Variants in EXOSC7 observed in about 807,000 individuals in gnomAD.
The protein encoded by EXOSC7 is exosome component 7, also known as exosome complex component RRP42.
Under a neutral mutation model 34.3 loss-of-function variants are expected in EXOSC7, and 25 were observed. That is an observed-to-expected ratio of 0.73 (90% CI 0.53 to 1.02). EXOSC7 has a LOEUF of 1.02. EXOSC7 is among the 50% of genes least tolerant of loss of function. The pLI is 0.00. For missense variants in EXOSC7, 370 were observed against 368.5 expected (o/e 1.00, Z -0.03); for synonymous variants, 130 against 143.0 (o/e 0.91, Z 0.65).
In EXOSC7 at chr3:45,011,309, C is replaced by A. The variant is rs140279197; in HGVS notation, c.846C>A (p.Pro282=). ...SVVHKEESLG[P]KRQKVGFLG Reference sequence around the variant, plus strand: ...TGCACAAGGAAGAAAGCCTGGGGCCCAAGAGACAGAAAGTTGGATTCCTGG... The same window carrying A: ...TGCACAAGGAAGAAAGCCTGGGGCCAAAGAGACAGAAAGTTGGATTCCTGG... The change falls in exon 8 of 8, where the codon CCC becomes CCA. Residue 282 remains proline, a synonymous_variant. Coordinates refer to ENST00000265564, the MANE Select transcript of EXOSC7 (RefSeq NM_015004.4). The A allele has an allele frequency of 6.2e-7, 1 of 1,612,704 alleles. No individual in the cohort carries two copies. Among genetic ancestry groups the A allele is most frequent in the African/African-American group, 1.3e-5 (1 of 74,768 alleles).
intron 4 of EXOSC7, among the ~76,000 whole-genome samples, chr3:44,999,688 T>C (rs1706821892): frequency 6.6e-6 from 1 of 151,326 alleles, no homozygotes; most frequent in Non-Finnish European, 1.5e-5. Flanking sequence ...GAATCCATCT[T>C]TAAAAAAAAA....
intron 6 of EXOSC7, among the ~76,000 whole-genome samples, chr3:45,007,119 T>A (rs560605010): frequency 6.6e-6 from 1 of 152,288 alleles, no homozygotes; most frequent in African/African-American, 2.4e-5. Flanking sequence ...ATTTCTCCCT[T>A]GTGCCCCTCT....
intron 1 of EXOSC7, among the ~76,000 whole-genome samples, chr3:44,980,264 C>T (rs1417726306): frequency 2.6e-5 from 4 of 152,084 alleles, no homozygotes; most frequent in Admixed American, 2.6e-4. Flanking sequence ...AACAGATCCC[C>T]TCTCCCAGGG....
downstream of EXOSC7, chr3:45,012,309 A>G (rs564026955): frequency 6.6e-6 from 1 of 152,344 alleles, no homozygotes; most frequent in Admixed American, 6.5e-5. Flanking sequence ...TTAGGAATTT[A>G]TCACCAAATG....
intron 1 of EXOSC7, among the ~76,000 whole-genome samples, chr3:44,986,867 T>C (rs909124310): frequency 1.4e-4 from 21 of 152,206 alleles, no homozygotes; most frequent in Non-Finnish European, 2.5e-4. Flanking sequence ...CAGTCACATA[T>C]GCAGTTAGCC....
chr3:44,989,449 C>T (rs1706510888), intron 2 of EXOSC7, 101 bp from the exon 3 acceptor site: 2 of 1,015,026 alleles, frequency 2.0e-6, no homozygotes, highest in Non-Finnish European at 3.0e-6. Context: ...AGCACTGCTC[C>T]TAAAAGAGTC....
chr3:44,999,252 G>T (rs1434647094), intron 4 of EXOSC7, among the ~76,000 whole-genome samples: 3 of 152,190 alleles, frequency 2.0e-5, no homozygotes, highest in Non-Finnish European at 4.4e-5. Context: ...TACATGGTGC[G>T]CAGGAATATC....
At chr3:45,002,269 G>T (rs1576021604) in intron 5 of EXOSC7, 1 of 152,178 alleles carries the variant, frequency 6.6e-6, no homozygotes, top group Admixed American at 6.6e-5. Flanking sequence ...GGGATAGGGT[G>T]TTCATCCTAT....
At chr3:44,999,543 G>A (rs764758430) in intron 4 of EXOSC7, among the ~76,000 whole-genome samples, 1 of 152,110 alleles carries the variant, frequency 6.6e-6, no homozygotes, top group Non-Finnish European at 1.5e-5. Flanking sequence ...ACAAAAATTA[G>A]CTGGGCATGG....
intron 1 of EXOSC7, among the ~76,000 whole-genome samples, chr3:44,979,271 C>A (rs1327207427): frequency 6.6e-6 from 1 of 152,186 alleles, no homozygotes; most frequent in Non-Finnish European, 1.5e-5. Context: ...TATAGAGTGC[C>A]GGCAGTGCAC....
intron 5 of EXOSC7, chr3:45,001,879 G>C: frequency 2.6e-6 from 1 of 383,194 alleles, no homozygotes; most frequent in Non-Finnish European, 4.7e-6. Flanking sequence ...AAACTACAGA[G>C]AAGCCAAGAA....
intron 1 of EXOSC7, among the ~76,000 whole-genome samples, chr3:44,978,205 T>C (rs1450487458): frequency 2.0e-5 from 3 of 152,312 alleles, no homozygotes; most frequent in African/African-American, 7.2e-5. Flanking sequence ...ACGCCTGTAA[T>C]CCCAGCACTT....
At chr3:44,983,129 G>A (rs912237300) in intron 1 of EXOSC7, among the ~76,000 whole-genome samples, 11 of 152,214 alleles carry the variant, frequency 7.2e-5, no homozygotes, top group Non-Finnish European at 1.6e-4. Context: ...CAACTTGTCA[G>A]TTTCTATTAA....
intron 2 of EXOSC7, 40 bp downstream of exon 2, chr3:44,989,281 T>A (rs369428494): frequency 1.4e-6 from 2 of 1,435,394 alleles, no homozygotes; most frequent in Non-Finnish European, 2.0e-6. Flanking sequence ...GGTGGAGAAA[T>A]GAGTAGGCCC....
intron 6 of EXOSC7, among the ~76,000 whole-genome samples, chr3:45,007,197 G>GT (rs2125973815): frequency 6.6e-6 from 1 of 152,266 alleles, no homozygotes; most frequent in Admixed American, 6.5e-5. Context: ...ACCTTGCCCT[G>GT]TTTTTCCATA....
chr3:44,980,889 T>C (rs1349180935), intron 1 of EXOSC7, among the ~76,000 whole-genome samples: 1 of 152,228 alleles, frequency 6.6e-6, no homozygotes, highest in Non-Finnish European at 1.5e-5. Flanking sequence ...TCATAAACGA[T>C]TTACTCTGCC....
In EXOSC7 at chr3:45,009,555, C is replaced by CT. The variant is rs769220705; in HGVS notation, c.772-1669dup. On this transcript the variant is annotated intron_variant, in intron 7 of 7. Transcript: ENST00000265564. ...TTATGGGAAAATCTTTCCAAAGGCC[C>CT]TTTTTTTTTTTGAGATGGAGTCTCA... 4.0e-3 allele frequency among the ~76,000 whole-genome samples: 584 copies of CT among 145,700 alleles called. 2 individuals are homozygous for CT. The highest frequency in any genetic ancestry group is 6.3e-3 in the Non-Finnish European group (415 of 65,810).
At chr3:45,006,338 A>G (rs1227890825) in intron 6 of EXOSC7, among the ~76,000 whole-genome samples, 1 of 150,476 alleles carries the variant, frequency 6.6e-6, no homozygotes, top group East Asian at 2.0e-4. Flanking sequence ...TCAGCCTCCC[A>G]AAGTGCCGGG....
At chr3:44,983,759 T>C (rs1200389436) in intron 1 of EXOSC7, among the ~76,000 whole-genome samples, 4 of 148,246 alleles carry the variant, frequency 2.7e-5, no homozygotes, top group Non-Finnish European at 6.0e-5. Flanking sequence ...ATTCCTTTGC[T>C]CGTGACTGCT....
Sources: allele counts gnomAD v4.1 joint callset (sites outside exome capture counted in the v4.1 genomes callset), GRCh38; gene constraint gnomAD v4.1.1; transcripts MANE v1.5; gene names NCBI Gene and HGNC (gene_info 2026-07-23, HGNC 2026-07-21).